NPEPPS: variants seen among roughly 807,000 people sequenced by gnomAD.
NPEPPS encodes aminopeptidase puromycin sensitive.
NPEPPS carries 14 observed loss-of-function variants against 115.5 expected under a neutral mutation model. The observed-to-expected ratio is 0.12, with a 90% CI of 0.08 to 0.19. The LOEUF (loss-of-function observed/expected upper bound fraction) is 0.19, where lower values mean the gene tolerates loss of function less well. Among genes scored for constraint, NPEPPS ranks in the 10% least tolerant of loss-of-function variants. The pLI is 1.00. For synonymous variants in NPEPPS, 285 were observed against 390.6 expected, an observed-to-expected ratio of 0.73 and a Z score of 3.19; for missense variants, 523 against 1,110.8, an observed-to-expected ratio of 0.47 and a Z score of 7.52.
rs4092461 is a variant in NPEPPS, at chr17:47,587,571, A to G, written c.1095+227A>G. 7.8e-3 allele frequency among the ~76,000 whole-genome samples: 1,185 copies of G among 152,252 alleles called. 1 individual carries two copies. Among genetic ancestry groups the G allele is most frequent in the African/African-American group, 0.014 (562 of 41,546 alleles). On this transcript the variant is annotated intron_variant, in intron 9 of 22. Coordinates refer to ENST00000322157, the MANE Select transcript of NPEPPS (RefSeq NM_006310.4). The stretch of plus-strand genomic sequence containing the variant: ...CAACAGACACTTCCTAAACTGTTCT[A>G]AAATTTGTCTGCAAGTGGGAAAAGT...
upstream of NPEPPS, among the ~76,000 whole-genome samples, chr17:47,527,021 C>T (rs1053935985): frequency 6.6e-6 from 1 of 152,072 alleles, no homozygotes; most frequent in Non-Finnish European, 1.5e-5. Context: ...CTGCAAGATT[C>T]TCAGGAGAGA....
intron 1 of NPEPPS, among the ~76,000 whole-genome samples, chr17:47,534,601 C>T (rs934547063): frequency 6.6e-6 from 1 of 151,954 alleles, no homozygotes; most frequent in African/African-American, 2.4e-5. Flanking sequence ...CTCTTTCTCC[C>T]AGGCTGGAGT....
intron 10 of NPEPPS, 170 bp from the exon 11 acceptor site, chr17:47,591,786 T>A (rs1333887830): frequency 2.0e-6 from 1 of 492,300 alleles, no homozygotes; most frequent in Non-Finnish European, 3.6e-6. Flanking sequence ...TCTATTCAAC[T>A]TTATTATTAT....
At chr17:47,606,386 C>A (rs1028292798) in intron 17 of NPEPPS, among the ~76,000 whole-genome samples, 1 of 151,762 alleles carries the variant, frequency 6.6e-6, no homozygotes, top group Non-Finnish European at 1.5e-5. Flanking sequence ...GTGGTGTTTC[C>A]TCCTGACCAG....
intron 2 of NPEPPS, among the ~76,000 whole-genome samples, chr17:47,565,884 A>G (rs1164343530): frequency 6.6e-6 from 1 of 152,184 alleles, no homozygotes; most frequent in Non-Finnish European, 1.5e-5. Context: ...TATCTGGAGA[A>G]AGACTTTGCA....
rs1008020112 is a variant in NPEPPS at position 47,610,383 on chromosome 17, C to A, written c.2096-2077C>A. Among the ~76,000 whole-genome samples the A allele has an allele frequency of 2.6e-5, 4 of 151,592 alleles. No individual in the cohort carries two copies. In the East Asian group the frequency reaches 7.7e-4, roughly 29 times the overall value. On this transcript the variant is annotated intron_variant, in intron 17 of 22. Transcript: ENST00000322157. ...TTGTAGCATGTATCAGTCTTTCATT[C>A]CTTTTTTTTTTGGGGGGGGGTAACA...
chr17:47,588,809 T>C (rs1912340636), intron 9 of NPEPPS, among the ~76,000 whole-genome samples: 1 of 152,190 alleles, frequency 6.6e-6, no homozygotes, highest in African/African-American at 2.4e-5. Flanking sequence ...ATTCTAGTTA[T>C]TAGAACTGAA....
chr17:47,540,725 G>A (rs1908692593), intron 1 of NPEPPS, among the ~76,000 whole-genome samples: 1 of 152,236 alleles, frequency 6.6e-6, no homozygotes, highest in African/African-American at 2.4e-5. Flanking sequence ...ACCTGTGTGT[G>A]TGTATGTGTA....
At chr17:47,589,773 AT>A (rs1912391170) in intron 9 of NPEPPS, among the ~76,000 whole-genome samples, 1 of 152,174 alleles carries the variant, frequency 6.6e-6, no homozygotes. Flanking sequence ...ATTTCACATA[AT>A]TTTTATATAA....
intron 3 of NPEPPS, among the ~76,000 whole-genome samples, chr17:47,578,214 AAAAG>A (rs1430776343): frequency 2.4e-5 from 3 of 123,746 alleles, no homozygotes; most frequent in Non-Finnish European, 3.7e-5. Context: ...AAAAAAAAAA[AAAAG>A]AGAGAAAGTC....
At chr17:47,596,566 TA>T (rs1407117002) in intron 13 of NPEPPS, 104 bp downstream of exon 13, 2 of 569,682 alleles carry the variant, frequency 3.5e-6, no homozygotes, top group African/African-American at 3.8e-5. Flanking sequence ...TAGTGACATT[TA>T]AACCAGCCCT....
At chr17:47,542,231 A>G (rs909482628) in intron 1 of NPEPPS, among the ~76,000 whole-genome samples, 6 of 152,120 alleles carry the variant, frequency 3.9e-5, no homozygotes, top group Admixed American at 3.9e-4. Context: ...TGAAATCTGA[A>G]TTTGTAGCTT....
At chr17:47,530,186 G>T (rs1473796201), upstream of NPEPPS, among the ~76,000 whole-genome samples, 1 of 139,434 alleles carries the variant, frequency 7.2e-6, no homozygotes, top group African/African-American at 2.6e-5. Flanking sequence ...CTTGTGATCC[G>T]CCCGCCTCGG....
At chr17:47,586,621 G>C (rs558283266) in intron 8 of NPEPPS, 51 of 600,056 alleles carry the variant, frequency 8.5e-5, no homozygotes, top group South Asian at 7.8e-4. Context: ...GGCGGTAGTA[G>C]CATTTTTAGA....
Position 47,584,066 on chromosome 17 carries a change from CA to C in NPEPPS, c.648+1222del, listed in dbSNP as rs1256021091. ...TGAAACCCCATCTCTACTAAAAATA[CA>C]AAAATTAGCCAGATATGGTGGCAGG... On this transcript the variant is annotated intron_variant, in intron 5 of 22. Transcript: ENST00000322157. Among the ~76,000 whole-genome samples, 8 of 151,630 alleles carry C rather than the reference CA, an allele frequency of 5.3e-5. No individual in the cohort carries two copies. The East Asian group carries it at 1.6e-3, about 29-fold the overall frequency.
intron 2 of NPEPPS, among the ~76,000 whole-genome samples, chr17:47,549,160 T>C (rs1192314102): frequency 4.6e-5 from 7 of 151,420 alleles, no homozygotes; most frequent in African/African-American, 1.7e-4. Flanking sequence ...CTAGCGAAGA[T>C]GGTGAAACCC....
At position 47,619,176 on chromosome 17, in the gene NPEPPS, A is replaced by G. The variant is rs752756032; in HGVS notation, c.2559+12A>G. 3.1e-6 allele frequency: 5 copies of G among 1,606,506 alleles called. No homozygotes were observed. The highest frequency in any genetic ancestry group is 4.3e-6 in the Non-Finnish European group (5 of 1,175,048). On this transcript the variant is annotated intron_variant, in intron 21 of 22. Transcript: ENST00000322157. Reference sequence around the variant, plus strand: ...CCAGACTAATAAAGGTATGTGAAAAACTTTGAGTAGCTTGCTAATCATGGA... The same window carrying G: ...CCAGACTAATAAAGGTATGTGAAAAGCTTTGAGTAGCTTGCTAATCATGGA...
intron 9 of NPEPPS, among the ~76,000 whole-genome samples, chr17:47,590,183 T>A (rs1912414951): frequency 6.6e-6 from 1 of 152,016 alleles, no homozygotes; most frequent in Non-Finnish European, 1.5e-5. Context: ...GGCAACAGAA[T>A]GAGACCCTGT....
intron 14 of NPEPPS, 81 bp from the exon 15 acceptor site, chr17:47,601,527 G>T (rs746674925): frequency 3.3e-6 from 5 of 1,527,486 alleles, no homozygotes; most frequent in Non-Finnish European, 4.5e-6. Flanking sequence ...TTAGGCTCCT[G>T]GTTAGAACAC....
Sources: allele counts gnomAD v4.1 joint callset (sites outside exome capture counted in the v4.1 genomes callset), GRCh38; gene constraint gnomAD v4.1.1; transcripts MANE v1.5; gene names NCBI Gene and HGNC (gene_info 2026-07-23, HGNC 2026-07-21).